The following TRAPPC13 variants were observed in gnomAD, a reference collection of about 807,000 sequenced individuals.
The protein encoded by TRAPPC13 is trafficking protein particle complex subunit 13.
TRAPPC13 carries 39 observed loss-of-function variants against 54.0 expected under a neutral mutation model. That is an observed-to-expected ratio of 0.72 (90% confidence interval 0.56 to 0.94). The LOEUF (loss-of-function observed/expected upper bound fraction) is 0.94, where lower values mean the gene tolerates loss of function less well. TRAPPC13 is among the 40% of genes least tolerant of loss of function. TRAPPC13 has a pLI of 0.00. For synonymous variants in TRAPPC13, 148 were observed against 167.7 expected, an observed-to-expected ratio of 0.88 and a Z score of 0.91; for missense variants, 386 against 488.1, an observed-to-expected ratio of 0.79 and a Z score of 1.97.
intron 7 of TRAPPC13, chr5:65,652,759 T>C: frequency 1.7e-6 from 1 of 585,188 alleles, no homozygotes; most frequent in Non-Finnish European, 3.1e-6. Context: ...TTGATTTTTA[T>C]TCTCGTTAAT....
chr5:65,630,104 C>T (rs1755464874), intron 1 of TRAPPC13: 1 of 1,535,884 alleles, frequency 6.5e-7, no homozygotes, highest in Admixed American at 2.0e-5. Flanking sequence ...GACAATAGAA[C>T]ACACTATTTG....
chr5:65,634,850 G>A (rs970093295), intron 1 of TRAPPC13: 9 of 385,520 alleles, frequency 2.3e-5, no homozygotes, highest in Non-Finnish European at 3.2e-5. Context: ...AGTGAGCCGA[G>A]ATCGCACCAC....
chr5:65,647,322 C>A, intron 5 of TRAPPC13, 140 bp downstream of exon 5: 1 of 667,956 alleles, frequency 1.5e-6, no homozygotes, highest in Non-Finnish European at 2.3e-6. Flanking sequence ...GCATGTTTAC[C>A]AGAAATAAAG....
At chr5:65,629,332 T>G in intron 1 of TRAPPC13, 1 of 496,508 alleles carries the variant, frequency 2.0e-6, no homozygotes, top group Non-Finnish European at 3.0e-6. Flanking sequence ...TAGATTACAT[T>G]CACATTTACC....
At chr5:65,626,164 A>G (rs1319420604) in intron 1 of TRAPPC13, 1 of 152,234 alleles carries the variant, frequency 6.6e-6, no homozygotes, top group Non-Finnish European at 1.5e-5. Context: ...AAAGAAGAAA[A>G]GCAACTAATT....
In TRAPPC13 at chr5:65,637,789, C is replaced by T; in HGVS notation, c.300+9C>T. The T allele has an allele frequency of 1.4e-6, 2 of 1,471,502 alleles. No individual in the cohort carries two copies. Among genetic ancestry groups the T allele is most frequent in the Non-Finnish European group, 1.9e-6 (2 of 1,073,458 alleles). The allele number at this position is 1,471,502 out of a possible 1,614,324, so 91.2% of individuals were successfully genotyped here. A position where few individuals can be genotyped will look rare whatever the true frequency, so the allele number is the denominator to read the frequency against. On this transcript the variant is annotated intron_variant, in intron 4 of 12. Coordinates refer to ENST00000399438, the MANE Select transcript of TRAPPC13 (RefSeq NM_024941.4). The stretch of plus-strand genomic sequence containing the variant: ...AAGACATATTAGTAAAAGTAAGTAA[C>T]ATTCTTACTTGGGATGTATTTTAGT...
intron 1 of TRAPPC13, among the ~76,000 whole-genome samples, chr5:65,632,129 G>T (rs569319643): frequency 6.6e-6 from 1 of 152,004 alleles, no homozygotes; most frequent in Admixed American, 6.6e-5. Flanking sequence ...GACAGTAGTC[G>T]CAGCCTCTTG....
In TRAPPC13 at chr5:65,625,713, C is replaced by CT. The variant is rs911012959; in HGVS notation, c.46+617dup. On this transcript the variant is annotated intron_variant, in intron 1 of 12. Coordinates refer to ENST00000399438, the MANE Select transcript of TRAPPC13 (RefSeq NM_024941.4). ...CATTATTTAGGAAAAAACAGCAGCA[C>CT]TTTTTTTTTTAGGACAATTTTTTTA... Among the ~76,000 whole-genome samples the CT allele has an allele frequency of 4.4e-3, 653 of 147,680 alleles. 8 individuals are homozygous for CT. The highest frequency in any genetic ancestry group is 0.015 in the African/African-American group (606 of 40,344).
rs1308940562 is a variant in TRAPPC13, at chr5:65,636,317, T to G, written c.215+274T>G. Among the ~76,000 whole-genome samples the G allele has an allele frequency of 7.2e-5, 11 of 151,926 alleles. 1 individual carries two copies. In the East Asian group the frequency reaches 2.1e-3, roughly 29 times the overall value. Reference sequence around the variant, plus strand: ...CGCACCGCTCTGGCTAATTTTTGTGTTTTTATTGGAGACCGTGTTTTGCTA... The same window carrying G: ...CGCACCGCTCTGGCTAATTTTTGTGGTTTTATTGGAGACCGTGTTTTGCTA... On this transcript the variant is annotated intron_variant, in intron 3 of 12. Transcript: ENST00000399438.
chr5:65,664,592 C>T lies in TRAPPC13; in HGVS notation c.1235C>T (p.Ala412Val). ...DIAQVCVVSS[A>V]IKVES ...GCACAAGTCTGTGTGGTATCTTCTG[C>T]CATTAAAGTGGAAAGCTGAAGGAAA... Residue 412 changes from alanine to valine, a missense_variant, in exon 13 of 13, where the codon GCC becomes GTC. By Grantham distance (64) the Ala-to-Val change is moderately conservative. Coordinates refer to ENST00000399438, the MANE Select transcript of TRAPPC13 (RefSeq NM_024941.4). The T allele has an allele frequency of 6.2e-7, 1 of 1,612,146 alleles. No individual in the cohort carries two copies. Among genetic ancestry groups the T allele is most frequent in the African/African-American group, 1.3e-5 (1 of 74,922 alleles).
Position 65,652,481 on chromosome 5 carries a change from G to A in TRAPPC13, c.502-20G>A, listed in dbSNP as rs868326172. 1.7e-5 allele frequency: 27 copies of A among 1,565,500 alleles called. No individual in the cohort carries two copies. The Middle Eastern group carries it at 1.5e-3, about 87-fold the overall frequency. ...GTCACATGATAACAATCTCCTGATT[G>A]ATATGCTTTATTTAACCAGGTTCTC... On this transcript the variant is annotated intron_variant, in intron 6 of 12. Transcript: ENST00000399438.
chr5:65,627,508 T>TGGTCCCAGC (rs1292266763), intron 1 of TRAPPC13, among the ~76,000 whole-genome samples: 1 of 152,076 alleles, frequency 6.6e-6, no homozygotes, highest in Admixed American at 6.6e-5. Flanking sequence ...TGTGCACCAG[T>TGGTCCCAGC]GGTCCCAGCT....
chr5:65,647,932 A>G (rs1278984870), intron 5 of TRAPPC13, among the ~76,000 whole-genome samples: 1 of 152,018 alleles, frequency 6.6e-6, no homozygotes, highest in African/African-American at 2.4e-5. Context: ...TTTTTCATGT[A>G]TATTCTTTGG....
intron 6 of TRAPPC13, among the ~76,000 whole-genome samples, chr5:65,651,848 T>G (rs1356939999): frequency 1.7e-3 from 43 of 24,604 alleles, no homozygotes; most frequent in Middle Eastern, 0.014. Context: ...TTCAGTTTTT[T>G]TTTTTTTTTT....
intron 1 of TRAPPC13, among the ~76,000 whole-genome samples, chr5:65,628,531 C>T (rs953828142): frequency 1.2e-4 from 18 of 150,140 alleles, no homozygotes; most frequent in Admixed American, 6.7e-4. Flanking sequence ...AGTACGATGG[C>T]GCGATCTCAG....
intron 1 of TRAPPC13, among the ~76,000 whole-genome samples, chr5:65,627,190 C>A (rs1308516217): frequency 7.0e-6 from 1 of 142,930 alleles, no homozygotes; most frequent in African/African-American, 2.6e-5. Context: ...ACAAGTGCTT[C>A]AAAATTGACT....
At chr5:65,656,337 C>T (rs1303069507) in intron 8 of TRAPPC13, among the ~76,000 whole-genome samples, 3 of 151,944 alleles carry the variant, frequency 2.0e-5, no homozygotes, top group African/African-American at 7.3e-5. Flanking sequence ...TAAATTTATG[C>T]AGAAAATTGC....
intron 1 of TRAPPC13, chr5:65,629,599 A>C (rs915927831): frequency 6.5e-7 from 1 of 1,531,390 alleles, no homozygotes; most frequent in African/African-American, 1.4e-5. Flanking sequence ...TGACTACAGA[A>C]GTAATATTAC....
At position 65,629,015 on chromosome 5, in the gene TRAPPC13, T is replaced by A. The variant is rs1755396356; in HGVS notation, c.46+3909T>A. Among the ~76,000 whole-genome samples the A allele has an allele frequency of 5.3e-5, 8 of 152,214 alleles. No homozygotes were observed. In the South Asian group the frequency reaches 1.7e-3, roughly 32 times the overall value. On this transcript the variant is annotated intron_variant, in intron 1 of 12. Transcript: ENST00000399438. ...TTTTGTATTTTGAGTAGAGATGGGT[T>A]TTCACCATGTTGGATTAGAATTTAC...
Sources: gnomAD v4.1 joint callset for allele counts (sites outside exome capture counted in the v4.1 genomes callset) on GRCh38, gnomAD v4.1.1 for gene constraint, MANE v1.5 for transcripts, NCBI Gene and HGNC (gene_info 2026-07-23, HGNC 2026-07-21) for gene names.